The following FRMPD1 variants were observed in gnomAD, a reference collection of about 807,000 sequenced individuals.
FRMPD1 encodes FERM and PDZ domain-containing protein 1.
Under a neutral mutation model 117.8 loss-of-function variants are expected in FRMPD1, and 76 were observed. That is an observed-to-expected ratio of 0.65 (90% CI 0.54 to 0.78). FRMPD1 has a LOEUF of 0.78. FRMPD1 is among the 30% of genes least tolerant of loss of function. The probability of loss-of-function intolerance (pLI) is 0.00; values close to 1 mark genes in which losing one functional copy is unlikely to be tolerated. For synonymous variants in FRMPD1, 783 were observed against 770.4 expected, an observed-to-expected ratio of 1.02 and a Z score of -0.27; for missense variants, 1,786 against 1,964.5, an observed-to-expected ratio of 0.91 and a Z score of 1.72.
intron 2 of FRMPD1, chr9:37,693,042 G>A (rs1207695475): frequency 2.3e-6 from 1 of 433,840 alleles, no homozygotes; most frequent in South Asian, 2.7e-5. Flanking sequence ...ATACTCATAC[G>A]CACATGCATA....
chr9:37,662,387 C>G (rs191827347), intron 1 of FRMPD1, among the ~76,000 whole-genome samples: 131 of 152,270 alleles, frequency 8.6e-4, no homozygotes, highest in African/African-American at 3.1e-3. Context: ...CAAACCATGG[C>G]CATTCATTAT....
At chr9:37,642,119 C>G in the FRMPD1 span, among the ~76,000 whole-genome samples, 2 of 152,174 alleles carry the variant, frequency 1.3e-5, no homozygotes, top group Non-Finnish European at 2.9e-5. Context: ...GCTGTTTTCA[C>G]CTGTTGACAG....
At chr9:37,726,928 G>A (rs1823643075) in intron 7 of FRMPD1, among the ~76,000 whole-genome samples, 1 of 152,110 alleles carries the variant, frequency 6.6e-6, no homozygotes, top group Non-Finnish European at 1.5e-5. Context: ...CTCTGGGGGA[G>A]TGGAGTGGTA....
intron 4 of FRMPD1, among the ~76,000 whole-genome samples, chr9:37,709,667 G>T (rs977836477): frequency 6.6e-6 from 1 of 152,200 alleles, no homozygotes; most frequent in African/African-American, 2.4e-5. Flanking sequence ...GAAGGGCCCA[G>T]AAATATTTCA....
chr9:37,728,688 C>T (rs1022893464), intron 7 of FRMPD1, among the ~76,000 whole-genome samples: 2 of 152,110 alleles, frequency 1.3e-5, no homozygotes, highest in Admixed American at 6.5e-5. Flanking sequence ...TGTGGCTGGA[C>T]GTGGTGGCTC....
chr9:37,648,364 G>C (rs972563408), upstream of FRMPD1, among the ~76,000 whole-genome samples: 1 of 152,092 alleles, frequency 6.6e-6, no homozygotes, highest in Admixed American at 6.5e-5. Flanking sequence ...TAGAGATGGC[G>C]CCACACGGGT....
chr9:37,617,109 C>G, the FRMPD1 span, among the ~76,000 whole-genome samples: 1 of 152,236 alleles, frequency 6.6e-6, no homozygotes, highest in African/African-American at 2.4e-5. Context: ...AATCTCTATC[C>G]TACGCCCAAG....
chr9:37,731,950 G>A (rs980246473), intron 9 of FRMPD1, among the ~76,000 whole-genome samples: 11 of 152,104 alleles, frequency 7.2e-5, no homozygotes, highest in African/African-American at 2.7e-4. Flanking sequence ...CAGACTAGGT[G>A]GATTGGACTG....
Position 37,745,748 on chromosome 9 carries a change from T to C in FRMPD1, c.3716T>C (p.Ile1239Thr), listed in dbSNP as rs780733314. The C allele has an allele frequency of 6.8e-6, 11 of 1,614,074 alleles. No homozygotes were observed. Among genetic ancestry groups the C allele is most frequent in the Non-Finnish European group, 7.6e-6 (9 of 1,180,044 alleles). The change falls in exon 16 of 16, where the codon ATA becomes ACA. Residue 1239 changes from isoleucine (I) to threonine (T), a missense_variant. Coordinates refer to ENST00000377765, the MANE Select transcript of FRMPD1 (RefSeq NM_014907.3). ...CCTAACCATGTGACAGGGCAAGATATAGCCCCTAGGGACAGCCCTGAGTGG... is the reference window on the plus strand; with the variant it reads ...CCTAACCATGTGACAGGGCAAGATACAGCCCCTAGGGACAGCCCTGAGTGG... ...EAPNHVTGQD[I>T]APRDSPEWVC...
intron 1 of FRMPD1, among the ~76,000 whole-genome samples, chr9:37,683,473 A>T (rs1821802184): frequency 6.6e-6 from 1 of 152,166 alleles, no homozygotes; most frequent in Non-Finnish European, 1.5e-5. Flanking sequence ...CAGACTGTAG[A>T]GGGGAGTGTT....
intron 8 of FRMPD1, 97 bp from the exon 9 acceptor site, chr9:37,730,887 G>C (rs756875398): frequency 7.2e-6 from 9 of 1,244,136 alleles, no homozygotes; most frequent in Non-Finnish European, 9.3e-6. Flanking sequence ...TCTGGGAACT[G>C]TCTTTCACTG....
chr9:37,638,364 C>G, the FRMPD1 span, among the ~76,000 whole-genome samples: 1 of 152,048 alleles, frequency 6.6e-6, no homozygotes, highest in African/African-American at 2.4e-5. Context: ...TGAGCCACTG[C>G]GTCTGGCCTG....
the FRMPD1 span, among the ~76,000 whole-genome samples, chr9:37,641,388 T>C: frequency 6.6e-6 from 1 of 152,230 alleles, no homozygotes. Flanking sequence ...CCAGAGCCTG[T>C]GCTAGGTGCT....
the FRMPD1 span, among the ~76,000 whole-genome samples, chr9:37,607,851 G>A: frequency 6.7e-6 from 1 of 150,178 alleles, no homozygotes; most frequent in Non-Finnish European, 1.5e-5. Flanking sequence ...AACCATACCA[G>A]CTCTTGTTTC....
At position 37,733,784 on chromosome 9, in the gene FRMPD1, C is replaced by A; in HGVS notation, c.1177C>A (p.Leu393Ile). The change falls in exon 12 of 16, where the codon CTC (leucine) becomes ATC (isoleucine). Residue 393 changes from leucine to isoleucine, a missense_variant. Leu to Ile is a conservative substitution (Grantham distance 5, BLOSUM62 2). Coordinates refer to ENST00000377765, the MANE Select transcript of FRMPD1 (RefSeq NM_014907.3). ...RLNYLQILGE[L>I]KTYGGRIFNA... The stretch of plus-strand genomic sequence containing the variant: ...AAATTATCTACAGATCCTCGGAGAA[C>A]TCAAGACATATGGTGGAAGAATCTT... 6.2e-7 allele frequency: 1 copy of A among 1,605,412 alleles called. No homozygotes were observed. Among genetic ancestry groups the A allele is most frequent in the Non-Finnish European group, 8.5e-7 (1 of 1,172,150 alleles).
chr9:37,698,709 G>A (rs1822422419), intron 2 of FRMPD1, among the ~76,000 whole-genome samples: 1 of 151,582 alleles, frequency 6.6e-6, no homozygotes, highest in Non-Finnish European at 1.5e-5. Context: ...TTACAGATAT[G>A]CGCCACCACA....
chr9:37,717,369 G>GTGTGTA (rs1407798527), intron 5 of FRMPD1, among the ~76,000 whole-genome samples: 1 of 94,130 alleles, frequency 1.1e-5, no homozygotes, highest in Non-Finnish European at 2.2e-5. Flanking sequence ...GTGTGTGTGT[G>GTGTGTA]TATATATATA....
chr9:37,616,117 CT>C, the FRMPD1 span, among the ~76,000 whole-genome samples: 10,267 of 96,646 alleles, frequency 0.11, 239 homozygotes, highest in Admixed American at 0.14. Context: ...GTGCCCAGCC[CT>C]TTTTTTTTTT....
At chr9:37,653,616 T>C (rs943191159) in intron 1 of FRMPD1, among the ~76,000 whole-genome samples, 2 of 152,144 alleles carry the variant, frequency 1.3e-5, no homozygotes, top group Non-Finnish European at 2.9e-5. Flanking sequence ...CTTATCACTA[T>C]GTACTCAAGG....
Sources: allele counts gnomAD v4.1 joint callset (sites outside exome capture counted in the v4.1 genomes callset), GRCh38; gene constraint gnomAD v4.1.1; transcripts MANE v1.5; gene names NCBI Gene and HGNC (gene_info 2026-07-23, HGNC 2026-07-21).